Variants in PTPRT observed in about 807,000 individuals in gnomAD.
PTPRT encodes receptor-type tyrosine-protein phosphatase T.
Under a neutral mutation model 176.8 loss-of-function variants are expected in PTPRT, and 56 were observed. The observed-to-expected ratio is 0.32, with a 90% CI of 0.26 to 0.40. The LOEUF (loss-of-function observed/expected upper bound fraction) is 0.40. Among genes scored for constraint, PTPRT ranks in the 10% least tolerant of loss-of-function variants. PTPRT has a pLI of 1.00. For missense variants in PTPRT, 1,540 were observed against 1,908.2 expected (o/e 0.81, Z 3.60); for synonymous variants, 783 against 739.0 (o/e 1.06, Z -0.96).
chr20:42,548,813 C>T (rs1190915488), intron 7 of PTPRT, among the ~76,000 whole-genome samples: 1 of 152,064 alleles, frequency 6.6e-6, no homozygotes, highest in Non-Finnish European at 1.5e-5. Context: ...GTTATGTGAA[C>T]AGTCAATAAA....
chr20:42,294,781 A>G (rs947602563), intron 12 of PTPRT, among the ~76,000 whole-genome samples: 2 of 152,066 alleles, frequency 1.3e-5, no homozygotes, highest in African/African-American at 4.8e-5. Context: ...AAATATACAA[A>G]AGATCAGGAA....
intron 8 of PTPRT, among the ~76,000 whole-genome samples, chr20:42,471,296 G>T (rs547054347): frequency 6.6e-6 from 1 of 152,232 alleles, no homozygotes; most frequent in African/African-American, 2.4e-5. Flanking sequence ...TATAGTTTGG[G>T]TATTTGTCCC....
intron 4 of PTPRT, 103 bp downstream of exon 4, chr20:42,780,115 G>T: frequency 1.1e-6 from 1 of 915,774 alleles, no homozygotes; most frequent in Non-Finnish European, 1.8e-6. Context: ...GAAAGAGAGA[G>T]TGAGAGATGT....
In PTPRT at chr20:42,160,981, G is replaced by A. The variant is rs1042733936; in HGVS notation, c.2682+371C>T. ...ATGTGCTGGCTTTTCTACAGCATGT[G>A]GGATGGGAGCTTGAGCCATTCTGGC... On this transcript the variant is annotated intron_variant, in intron 17 of 30. Transcript: ENST00000373187. Among the ~76,000 whole-genome samples the A allele has an allele frequency of 2.0e-5, 3 of 152,150 alleles. No homozygotes were observed. In the South Asian group the frequency reaches 6.2e-4, roughly 32 times the overall value.
At position 42,245,255 on chromosome 20, in the gene PTPRT, C is replaced by T. The variant is rs554801766; in HGVS notation, c.2312+3432G>A. Reference sequence around the variant, plus strand: ...TAGTTAACTCTGTCAGTGAGGGGCTCCAGGATCCCTTCTTATAATGCTCAT... The same window carrying T: ...TAGTTAACTCTGTCAGTGAGGGGCTTCAGGATCCCTTCTTATAATGCTCAT... On this transcript the variant is annotated intron_variant, in intron 14 of 30. Coordinates refer to ENST00000373187, the MANE Select transcript of PTPRT (RefSeq NM_007050.6). Among the ~76,000 whole-genome samples, 20 of 152,272 alleles carry T rather than the reference C, an allele frequency of 1.3e-4. No individual in the cohort carries two copies. The South Asian group carries it at 2.9e-3, about 22-fold the overall frequency.
rs41279258 is a variant in PTPRT at position 42,472,540 on chromosome 20, G to T, written c.1176C>A (p.Asn392Lys). Residue 392 changes from asparagine to lysine, a missense_variant, in exon 8 of 31, where the codon AAC (asparagine) becomes AAA (lysine). Around this residue, in one of 11 missense-constraint regions of PTPRT, gnomAD observed 273 missense variants for 432.1 expected, o/e 0.63. Coordinates refer to ENST00000373187, the MANE Select transcript of PTPRT (RefSeq NM_007050.6). Reference sequence around the variant, plus strand: ...GGGCTCTGATGTCTACGATTTCCACGTTCTGTGGGCCATGTACCGGATCTG... The same window carrying T: ...GGGCTCTGATGTCTACGATTTCCACTTTCTGTGGGCCATGTACCGGATCTG... The part of the protein sequence containing the change: ...KCADPVHGPQ[N>K]VEIVDIRARQ... The T allele has an allele frequency of 3.8e-5, 62 of 1,613,888 alleles. No homozygotes were observed. The highest frequency in any genetic ancestry group is 2.2e-4 in the East Asian group (10 of 44,882).
chr20:42,224,733 T>A (rs1253052662), intron 15 of PTPRT, among the ~76,000 whole-genome samples: 2 of 152,202 alleles, frequency 1.3e-5, no homozygotes, highest in Non-Finnish European at 2.9e-5. Flanking sequence ...GACTGTGGCT[T>A]GGGGTCTTCT....
chr20:42,256,934 C>T (rs1385355208), intron 13 of PTPRT, among the ~76,000 whole-genome samples: 1 of 152,170 alleles, frequency 6.6e-6, no homozygotes. Context: ...GGGGCCTGAG[C>T]CCAAGAGAAA....
chr20:42,669,173 T>G, intron 7 of PTPRT, among the ~76,000 whole-genome samples: 1 of 152,114 alleles, frequency 6.6e-6, no homozygotes, highest in East Asian at 1.9e-4. Flanking sequence ...ATGCAAGAAC[T>G]GCCAGAACCC....
In PTPRT at chr20:42,734,293, G is replaced by C. The variant is rs149746724; in HGVS notation, c.859+22169C>G. On this transcript the variant is annotated intron_variant, in intron 6 of 30. Coordinates refer to ENST00000373187, the MANE Select transcript of PTPRT (RefSeq NM_007050.6). ...ACCCTGCAGGTGTAGCCTTCCAGAA[G>C]CCAGTTCCTCTCTGTAAAATAAAGG... Among the ~76,000 whole-genome samples the C allele has an allele frequency of 1.1e-3, 175 of 152,284 alleles. 5 individuals carry two copies. In the East Asian group the frequency reaches 0.022, roughly 20 times the overall value.
At chr20:42,381,151 C>T (rs1052584003) in intron 9 of PTPRT, among the ~76,000 whole-genome samples, 1 of 152,164 alleles carries the variant, frequency 6.6e-6, no homozygotes, top group African/African-American at 2.4e-5. Context: ...CCCTACCTCC[C>T]TACCTCCAGC....
rs536049718 is a variant in PTPRT at position 42,771,632 on chromosome 20, T to C, written c.569-82A>G. ...CCTATTGGTGGATGGCAGCTCAGGA[T>C]GGGCACTGGGCAGGGTGGAACTGGC... On this transcript the variant is annotated intron_variant, in intron 4 of 30. Coordinates refer to ENST00000373187, the MANE Select transcript of PTPRT (RefSeq NM_007050.6). The C allele has an allele frequency of 7.7e-5, 84 of 1,096,712 alleles. No homozygotes were observed. The South Asian group carries it at 1.0e-3, about 13-fold the overall frequency. 67.9% of individuals were successfully genotyped at this position (1,096,712 alleles called of 1,614,324 possible).
intron 10 of PTPRT, among the ~76,000 whole-genome samples, chr20:42,351,556 C>T (rs2058284258): frequency 6.6e-6 from 1 of 152,108 alleles, no homozygotes; most frequent in Non-Finnish European, 1.5e-5. Context: ...GAATTGCATA[C>T]ATATTTAGGA....
chr20:42,525,116 G>GCCACTTTAAATCAA, intron 7 of PTPRT, among the ~76,000 whole-genome samples: 1 of 152,052 alleles, frequency 6.6e-6, no homozygotes, highest in Admixed American at 6.5e-5. Flanking sequence ...GCCTCCCGCT[G>GCCACTTTAAATCAA]GGACTATATG....
intron 5 of PTPRT, among the ~76,000 whole-genome samples, chr20:42,769,095 G>A (rs374441787): frequency 9.2e-5 from 14 of 152,288 alleles, no homozygotes; most frequent in African/African-American, 2.9e-4. Context: ...TAACTCTACC[G>A]AATACTGAGG....
chr20:42,183,204 G>A (rs1390827521), intron 16 of PTPRT, among the ~76,000 whole-genome samples: 1 of 151,842 alleles, frequency 6.6e-6, no homozygotes, highest in Non-Finnish European at 1.5e-5. Context: ...ACCTCTTCAG[G>A]TTCATCTTTT....
intron 27 of PTPRT, among the ~76,000 whole-genome samples, chr20:42,094,097 C>A (rs1600491019): frequency 6.6e-6 from 1 of 152,244 alleles, no homozygotes; most frequent in Admixed American, 6.5e-5. Flanking sequence ...ATGACCTTGA[C>A]CTTTGTTTCA....
chr20:42,250,371 T>C (rs1600728417), intron 13 of PTPRT, among the ~76,000 whole-genome samples: 1 of 152,226 alleles, frequency 6.6e-6, no homozygotes, highest in African/African-American at 2.4e-5. Flanking sequence ...TTTCTCCTTT[T>C]TAAAGTCATT....
intron 29 of PTPRT, among the ~76,000 whole-genome samples, chr20:42,082,773 T>A (rs1321410279): frequency 6.6e-6 from 1 of 152,166 alleles, no homozygotes; most frequent in East Asian, 1.9e-4. Flanking sequence ...TTACAGACAG[T>A]CCCTGTAGGA....
Sources: gnomAD v4.1 joint callset for allele counts (sites outside exome capture counted in the v4.1 genomes callset) on GRCh38, gnomAD v4.1.1 for gene constraint, gnomAD v4.1.1 regional missense constraint, MANE v1.5 for transcripts, NCBI Gene and HGNC (gene_info 2026-07-23, HGNC 2026-07-21) for gene names.